Variants in COL6A3 observed in about 807,000 individuals in gnomAD.
The protein encoded by COL6A3 is collagen type VI alpha 3 chain.
Under a neutral mutation model 274.1 loss-of-function variants are expected in COL6A3, and 137 were observed. The ratio of observed to expected loss-of-function variants is 0.50; its 90% CI spans 0.44 to 0.58. COL6A3 has a LOEUF of 0.58. COL6A3 is among the 20% of genes least tolerant of loss of function. The pLI is 0.00. For synonymous variants in COL6A3, 1,650 were observed against 1,650.6 expected (o/e 1.00, Z 0.01); for missense variants, 3,950 against 4,124.9 (o/e 0.96, Z 1.16).
chr2:237,353,212 G>T, intron 25 of COL6A3, 129 bp downstream of exon 25: 2 of 868,710 alleles, frequency 2.3e-6, no homozygotes, highest in South Asian at 2.9e-5. Flanking sequence ...CAGCATTGTG[G>T]AAGTACCAAA....
intron 37 of COL6A3, 79 bp downstream of exon 37, chr2:237,341,986 A>C: frequency 8.5e-7 from 1 of 1,176,720 alleles, no homozygotes; most frequent in Non-Finnish European, 1.3e-6. Context: ...ACAGATCATC[A>C]TTATTCTCTC....
Position 237,377,324 on chromosome 2 carries a change from A to C in COL6A3, c.2518T>G (p.Phe840Val). ...AGATTGGCTGAGCCGTCAAAGAGGA[A>C]CAGAATGTCTCGCTTGCTCTCTGCA... ...AQPESKRDILFLFDGSANLVG... is the reference protein window; with the variant it reads ...AQPESKRDILVLFDGSANLVG... Residue 840 changes from phenylalanine to valine, a missense_variant, in exon 7 of 44, where the codon TTC (phenylalanine) becomes GTC (valine). Around this residue, in one of 5 missense-constraint regions of COL6A3, gnomAD observed 1,934 missense variants for 1,984.3 expected, o/e 0.97. Transcript: ENST00000295550. The C allele has an allele frequency of 6.2e-7, 1 of 1,600,672 alleles. No homozygotes were observed. Among genetic ancestry groups the C allele is most frequent in the Non-Finnish European group, 8.5e-7 (1 of 1,179,958 alleles).
chr2:237,366,988 A>G lies in COL6A3; in HGVS notation c.5199T>C (p.Pro1733=). ...LEHLRVNHFV[P]EAGSRLDQRV... ...GCTGGTCCAGGCGGCTGCCTGCCTC[A>G]GGCACAAAGTGGTTTACCCGCAGGT... The change falls in exon 11 of 44, where the codon CCT becomes CCC. Residue 1733 remains proline, a synonymous_variant. Transcript: ENST00000295550. 6.2e-7 allele frequency: 1 copy of G among 1,614,254 alleles called. No homozygotes were observed.
Position 237,367,268 on chromosome 2 carries a change from A to G in COL6A3, c.4919T>C (p.Ile1640Thr). Reference protein sequence around the residue: ...PSRPEKKKADIVFLLDGSINF... With the variant: ...PSRPEKKKADTVFLLDGSINF... Reference sequence around the variant, plus strand: ...GATGGAACCATCCAACAGGAACACAATGTCTGCTTTCTTCTTCTCTAGAAG... The same window carrying G: ...GATGGAACCATCCAACAGGAACACAGTGTCTGCTTTCTTCTTCTCTAGAAG... The change falls in exon 11 of 44, where the codon ATT (isoleucine) becomes ACT (threonine). Residue 1640 changes from isoleucine (I) to threonine (T), a missense_variant. This residue lies in a region of COL6A3 where 632 missense variants were observed against 623.4 expected (regional missense o/e 1.01). Coordinates refer to ENST00000295550, the MANE Select transcript of COL6A3 (RefSeq NM_004369.4). The G allele has an allele frequency of 6.2e-7, 1 of 1,613,582 alleles. No individual in the cohort carries two copies. Among genetic ancestry groups the G allele is most frequent in the Non-Finnish European group, 8.5e-7 (1 of 1,179,732 alleles).
chr2:237,338,308 A>G (rs1333756913), intron 39 of COL6A3, among the ~76,000 whole-genome samples: 1 of 152,212 alleles, frequency 6.6e-6, no homozygotes, highest in Non-Finnish European at 1.5e-5. Flanking sequence ...GAGAGACCAC[A>G]TGGAGCAGAG....
chr2:237,364,876 T>C lies in COL6A3; in HGVS notation c.5839-448A>G, dbSNP rs1185944857. On this transcript the variant is annotated intron_variant, in intron 12 of 43. Coordinates refer to ENST00000295550, the MANE Select transcript of COL6A3 (RefSeq NM_004369.4). The surrounding 1 kb of genome is among the most constrained non-coding windows in gnomAD (Gnocchi z 4.6). Reference sequence around the variant, plus strand: ...GTGTGGGTGCGTATGTGTGTGCATGTGTATGGGTGCATGTGCGTGCATGTG... The same window carrying C: ...GTGTGGGTGCGTATGTGTGTGCATGCGTATGGGTGCATGTGCGTGCATGTG... Among the ~76,000 whole-genome samples the C allele has an allele frequency of 1.3e-5, 2 of 150,556 alleles. No individual in the cohort carries two copies. Among genetic ancestry groups the C allele is most frequent in the African/African-American group, 4.9e-5 (2 of 40,858 alleles).
chr2:237,408,905 A>T (rs1401398291), intron 1 of COL6A3, among the ~76,000 whole-genome samples: 1 of 152,052 alleles, frequency 6.6e-6, no homozygotes, highest in Non-Finnish European at 1.5e-5. Flanking sequence ...AGATTTTTTT[A>T]AGCAACAGTT....
rs1407761475 is a variant in COL6A3, at chr2:237,368,987, G to C, written c.4476C>G (p.Thr1492=). The change falls in exon 10 of 44, where the codon ACC becomes ACG. Residue 1492 remains threonine, a synonymous_variant. Transcript: ENST00000295550. The surrounding 1 kb of genome is among the most constrained non-coding windows in gnomAD (Gnocchi z 4.4). ...CCAGCACCGGGGCCTGGGATCTGTAGGTTTTCAGATAGAATTCTGGGAAGA... is the reference window on the plus strand; with the variant it reads ...CCAGCACCGGGGCCTGGGATCTGTACGTTTTCAGATAGAATTCTGGGAAGA... The part of the protein sequence containing the change: ...NDVFPEFYLK[T]YRSQAPVLDA... The C allele has an allele frequency of 1.2e-6, 2 of 1,614,110 alleles. No homozygotes were observed. Among genetic ancestry groups the C allele is most frequent in the Non-Finnish European group, 1.7e-6 (2 of 1,180,048 alleles).
At position 237,357,376 on chromosome 2, in the gene COL6A3, C is replaced by T. The variant is rs774500955; in HGVS notation, c.6553G>A (p.Asp2185Asn). 4 of 1,613,996 alleles carry T rather than the reference C, an allele frequency of 2.5e-6. No individual in the cohort carries two copies. The South Asian group carries it at 3.3e-5, about 13-fold the overall frequency. Residue 2185 changes from aspartate (D) to asparagine (N), a missense_variant, in exon 23 of 44, where the codon GAT becomes AAT. Around this residue, in one of 5 missense-constraint regions of COL6A3, gnomAD observed 1,284 missense variants for 1,349.7 expected, o/e 0.95. Transcript: ENST00000295550. ...DLGPMGVPGR[D>N]GVPGGPGETG... ...TCTCCAGGTCCTCCAGGTACTCCATCTCTCCCTGGGACACCCTGGTGTGGG... is the reference window on the plus strand; with the variant it reads ...TCTCCAGGTCCTCCAGGTACTCCATTTCTCCCTGGGACACCCTGGTGTGGG...
At chr2:237,336,584 A>G in intron 39 of COL6A3, 52 bp from the exon 40 acceptor site, 2 of 1,584,470 alleles carry the variant, frequency 1.3e-6, no homozygotes, top group Non-Finnish European at 1.7e-6. Context: ...ATCTAAAATA[A>G]ATAAAGACAT....
intron 42 of COL6A3, among the ~76,000 whole-genome samples, chr2:237,332,666 A>C (rs1700322469): frequency 6.6e-6 from 1 of 152,216 alleles, no homozygotes; most frequent in Non-Finnish European, 1.5e-5. Context: ...GGTGTATAAA[A>C]CAGTATTATA....
At chr2:237,331,737 A>G (rs1463927233) in intron 42 of COL6A3, among the ~76,000 whole-genome samples, 7 of 143,302 alleles carry the variant, frequency 4.9e-5, no homozygotes, top group Non-Finnish European at 6.1e-5. Flanking sequence ...AAAAAAAAAA[A>G]GGTAATTTAT....
At position 237,348,331 on chromosome 2, in the gene COL6A3, C is replaced by T. The variant is rs540643475; in HGVS notation, c.6966+18G>A. The T allele has an allele frequency of 8.7e-6, 14 of 1,602,362 alleles. No individual in the cohort carries two copies. Among genetic ancestry groups the T allele is most frequent in the East Asian group, 4.5e-5 (2 of 44,856 alleles). On this transcript the variant is annotated intron_variant, in intron 30 of 43. Coordinates refer to ENST00000295550, the MANE Select transcript of COL6A3 (RefSeq NM_004369.4). ...TCCCAAAATCATGATGATGCTTCACCGACCAGGGATTATTTACCTTTGGTC... is the reference window on the plus strand; with the variant it reads ...TCCCAAAATCATGATGATGCTTCACTGACCAGGGATTATTTACCTTTGGTC...
chr2:237,360,173 C>A lies in COL6A3; in HGVS notation c.6211-14G>T. ...ACCACGCTCACCCTGTTGTGAGAGA[C>A]AAAGGCATTTTGCAAGCTGGAGCCC... On this transcript the variant is annotated splice_polypyrimidine_tract_variant and intron_variant, in intron 16 of 43. Transcript: ENST00000295550. 1 of 1,614,010 alleles carries A rather than the reference C, an allele frequency of 6.2e-7. No homozygotes were observed. The highest frequency in any genetic ancestry group is 1.1e-5 in the South Asian group (1 of 91,012).
Position 237,347,854 on chromosome 2 carries a change from G to T in COL6A3, c.6982C>A (p.Pro2328Thr), listed in dbSNP as rs371637449. 2 of 1,610,258 alleles carry T rather than the reference G, an allele frequency of 1.2e-6. No individual in the cohort carries two copies. The highest frequency in any genetic ancestry group is 1.7e-6 in the Non-Finnish European group (2 of 1,178,192). The stretch of plus-strand genomic sequence containing the variant: ...GGTCCTGTTGTTCCATTTAGCCCAG[G>T]TTCACCTGGGTTACCCTGGGAAGAA... ...YPGPKGNPGE[P>T]GLNGTTGPKG... The change falls in exon 31 of 44, where the codon CCT (proline) becomes ACT (threonine). Residue 2328 changes from proline (P) to threonine (T), a missense_variant. Coordinates refer to ENST00000295550, the MANE Select transcript of COL6A3 (RefSeq NM_004369.4).
Position 237,381,026 on chromosome 2 carries a change from C to T in COL6A3, c.1786G>A (p.Ala596Thr), listed in dbSNP as rs34934127. 6 of 1,614,130 alleles carry T rather than the reference C, an allele frequency of 3.7e-6. No individual in the cohort carries two copies. The highest frequency in any genetic ancestry group is 2.2e-5 in the South Asian group (2 of 91,088). Residue 596 changes from alanine to threonine, a missense_variant, in exon 5 of 44, where the codon GCT (alanine) becomes ACT (threonine). This residue lies in a region of COL6A3 where 1,934 missense variants were observed against 1,984.3 expected (regional missense o/e 0.97). Transcript: ENST00000295550. ...ATGAACACCAGGGAGGAGTCGAAAG[C>T]GATCTCTTCCAGCTCAGCCTGATCG... ...GADQAELEEIAFDSSLVFIPA... is the reference protein window; with the variant it reads ...GADQAELEEITFDSSLVFIPA...
In COL6A3 at chr2:237,398,527, C is replaced by G. The variant is rs1296362670; in HGVS notation, c.-30-1680G>C. The stretch of plus-strand genomic sequence containing the variant: ...GGGTCTTTCTGTCTAGGCTGAAGTC[C>G]CCTTGCCAGGACAGCATCTTTTTTC... On this transcript the variant is annotated intron_variant, in intron 1 of 43. Transcript: ENST00000295550. Among the ~76,000 whole-genome samples, 4 of 152,266 alleles carry G rather than the reference C, an allele frequency of 2.6e-5. No homozygotes were observed. In the East Asian group the frequency reaches 7.7e-4, roughly 29 times the overall value.
chr2:237,350,778 A>G lies in COL6A3; in HGVS notation c.6816+352T>C, dbSNP rs145861050. Among the ~76,000 whole-genome samples the G allele has an allele frequency of 1.2e-3, 183 of 152,216 alleles. No homozygotes were observed. In the East Asian group the frequency reaches 0.019, roughly 16 times the overall value. On this transcript the variant is annotated intron_variant, in intron 27 of 43. Transcript: ENST00000295550. Reference sequence around the variant, plus strand: ...GACTGCTCGTTCCATATTATACTGAAACTGTACCAAGCACTGCCCGGCTGC... The same window carrying G: ...GACTGCTCGTTCCATATTATACTGAGACTGTACCAAGCACTGCCCGGCTGC...
Position 237,361,877 on chromosome 2 carries a change from C to G in COL6A3, c.6064-46G>C. ...CAAATGTTCAGATCTCAAGAAATGC[C>G]CAGCAGAAAATCATAAATGCGCTTT... is the stretch of plus-strand genomic sequence containing the variant. On this transcript the variant is annotated intron_variant, in intron 14 of 43. Coordinates refer to ENST00000295550, the MANE Select transcript of COL6A3 (RefSeq NM_004369.4). The surrounding 1 kb of genome is among the most constrained non-coding windows in gnomAD (Gnocchi z 5.1). 1 of 1,547,236 alleles carries G rather than the reference C, an allele frequency of 6.5e-7. No homozygotes were observed. The highest frequency in any genetic ancestry group is 8.9e-7 in the Non-Finnish European group (1 of 1,119,018).
Sources: gnomAD v4.1 joint callset for allele counts (sites outside exome capture counted in the v4.1 genomes callset) on GRCh38, gnomAD v4.1.1 for gene constraint, gnomAD v4.1.1 regional missense constraint, Gnocchi (gnomAD v3.1) non-coding constraint, MANE v1.5 for transcripts, NCBI Gene and HGNC (gene_info 2026-07-23, HGNC 2026-07-21) for gene names.